Variants in TENM3 observed in about 807,000 individuals in gnomAD.
TENM3 encodes teneurin transmembrane protein 3, also known as teneurin-3.
In TENM3, 63 loss-of-function variants were observed where a neutral mutation model predicts 255.1. The observed-to-expected ratio is 0.25, with a 90% CI of 0.20 to 0.30. The LOEUF is 0.30. TENM3 is among the 10% of genes least tolerant of loss of function. TENM3 has a pLI of 1.00. For missense variants in TENM3, 2,929 were observed against 3,461.1 expected (o/e 0.85, Z 3.86); for synonymous variants, 1,306 against 1,322.3 (o/e 0.99, Z 0.27).
chr4:181,985,123 A>T, the TENM3 span, among the ~76,000 whole-genome samples: 8 of 152,030 alleles, frequency 5.3e-5, no homozygotes, highest in African/African-American at 1.9e-4. Flanking sequence ...AGAGGGATGC[A>T]TACATAAAGT....
the TENM3 span, among the ~76,000 whole-genome samples, chr4:181,743,687 G>A: frequency 6.6e-6 from 1 of 152,102 alleles, no homozygotes; most frequent in African/African-American, 2.4e-5. Flanking sequence ...TCAGAAAAGG[G>A]GGGGCCACAC....
At chr4:182,741,701 C>T (rs1022710326) in intron 18 of TENM3, among the ~76,000 whole-genome samples, 2 of 152,136 alleles carry the variant, frequency 1.3e-5, no homozygotes, top group African/African-American at 4.8e-5. Context: ...TGCATTTCAC[C>T]TCTTGTTATG....
At chr4:182,747,656 C>T (rs1762100021) in intron 19 of TENM3, among the ~76,000 whole-genome samples, 1 of 152,120 alleles carries the variant, frequency 6.6e-6, no homozygotes, top group South Asian at 2.1e-4. Context: ...GGCACTTAAA[C>T]ATGTAGAACT....
intron 3 of TENM3, among the ~76,000 whole-genome samples, chr4:182,513,314 A>C (rs1165332671): frequency 6.6e-6 from 1 of 152,228 alleles, no homozygotes; most frequent in African/African-American, 2.4e-5. Flanking sequence ...TCTTTACTAA[A>C]AGCCTGGAAA....
chr4:181,572,271 T>G, the TENM3 span, among the ~76,000 whole-genome samples: 1 of 152,222 alleles, frequency 6.6e-6, no homozygotes, highest in African/African-American at 2.4e-5. Flanking sequence ...GTCAAGATTC[T>G]CAGTCCTTCC....
intron 12 of TENM3, among the ~76,000 whole-genome samples, chr4:182,702,274 G>A (rs1372730351): frequency 1.3e-5 from 2 of 152,098 alleles, no homozygotes; most frequent in South Asian, 4.1e-4. Context: ...CCCTACCCTG[G>A]GAACAGGCCA....
At chr4:181,869,416 T>C in the TENM3 span, among the ~76,000 whole-genome samples, 10 of 152,314 alleles carry the variant, frequency 6.6e-5, no homozygotes, top group African/African-American at 2.2e-4. Flanking sequence ...TAAATCTATC[T>C]AGGAGTCTTC....
At chr4:181,520,289 A>G in the TENM3 span, among the ~76,000 whole-genome samples, 4 of 152,212 alleles carry the variant, frequency 2.6e-5, no homozygotes, top group South Asian at 8.3e-4. Flanking sequence ...CCGCCCTGGC[A>G]GAAGGGAGAA....
chr4:182,164,747 G>A (rs1305115245), intron 1 of TENM3, among the ~76,000 whole-genome samples: 1 of 152,084 alleles, frequency 6.6e-6, no homozygotes, highest in African/African-American at 2.4e-5. Flanking sequence ...ACATAGTCCT[G>A]GATGAATATT....
At chr4:182,110,458 G>A in the TENM3 span, among the ~76,000 whole-genome samples, 1 of 152,008 alleles carries the variant, frequency 6.6e-6, no homozygotes, top group Non-Finnish European at 1.5e-5. Context: ...CCGAGTAGGT[G>A]GGACCACTGG....
chr4:181,523,145 A>C, the TENM3 span: 1 of 371,250 alleles, frequency 2.7e-6, no homozygotes. Flanking sequence ...TGAAGCCTGT[A>C]CTCAATATAT....
At chr4:182,381,891 A>G (rs1767599291) in intron 3 of TENM3, among the ~76,000 whole-genome samples, 1 of 152,180 alleles carries the variant, frequency 6.6e-6, no homozygotes, top group Non-Finnish European at 1.5e-5. Context: ...TGAAGAGCTG[A>G]TGTTATTTAT....
the TENM3 span, among the ~76,000 whole-genome samples, chr4:181,776,562 G>C: frequency 2.0e-5 from 3 of 151,838 alleles, no homozygotes; most frequent in Non-Finnish European, 4.4e-5. Context: ...CCTTTTCTCT[G>C]CATCCATCCT....
intron 3 of TENM3, among the ~76,000 whole-genome samples, chr4:182,398,172 G>A (rs11726299): frequency 0.26 from 39,759 of 152,030 alleles, 5,863 homozygotes; most frequent in Middle Eastern, 0.38. Context: ...TGGATCGCTC[G>A]CGTGGAGGGG....
At chr4:181,743,586 A>G in the TENM3 span, among the ~76,000 whole-genome samples, 3 of 152,116 alleles carry the variant, frequency 2.0e-5, no homozygotes, top group East Asian at 1.9e-4. Flanking sequence ...CAGAAAAGAC[A>G]CTGGTGAGGC....
chr4:182,329,187 A>G (rs1245381689), intron 2 of TENM3, among the ~76,000 whole-genome samples: 1 of 152,148 alleles, frequency 6.6e-6, no homozygotes, highest in Non-Finnish European at 1.5e-5. Flanking sequence ...CTCTGTTAGG[A>G]TCGTGAAGGA....
At chr4:181,874,639 T>G in the TENM3 span, 1 of 152,312 alleles carries the variant, frequency 6.6e-6, no homozygotes, top group Non-Finnish European at 1.5e-5. Flanking sequence ...TGCCCTCCAT[T>G]TGTACAACAT....
At chr4:182,271,132 A>G (rs1335343823) in intron 1 of TENM3, among the ~76,000 whole-genome samples, 1 of 152,288 alleles carries the variant, frequency 6.6e-6, no homozygotes, top group Non-Finnish European at 1.5e-5. Context: ...TGCTAAGACA[A>G]CCAGAGTCTT....
chr4:182,797,652 C>G (rs1300807777), intron 27 of TENM3, among the ~76,000 whole-genome samples: 1 of 152,086 alleles, frequency 6.6e-6, no homozygotes, highest in African/African-American at 2.4e-5. Context: ...AGTGGTACTT[C>G]TAATCCCCAC....
Sources: gnomAD v4.1 joint callset for allele counts (sites outside exome capture counted in the v4.1 genomes callset) on GRCh38, gnomAD v4.1.1 for gene constraint, MANE v1.5 for transcripts, NCBI Gene and HGNC (gene_info 2026-07-23, HGNC 2026-07-21) for gene names.